The following CDKL4 variants were observed in gnomAD, a reference collection of about 807,000 sequenced individuals.
CDKL4 encodes the protein cyclin-dependent kinase-like 4.
Under a neutral mutation model 42.0 loss-of-function variants are expected in CDKL4, and 44 were observed. The ratio of observed to expected loss-of-function variants is 1.05; its 90% CI spans 0.82 to 1.35. The LOEUF (loss-of-function observed/expected upper bound fraction) is 1.35, where lower values mean the gene tolerates loss of function less well. Among genes scored for constraint, CDKL4 ranks in the 40% most tolerant of loss-of-function variants. The pLI, the probability that CDKL4 is intolerant of heterozygous loss-of-function variation, is 0.00. For synonymous variants in CDKL4, 120 were observed against 121.6 expected, an observed-to-expected ratio of 0.99 and a Z score of 0.09; for missense variants, 393 against 369.9, an observed-to-expected ratio of 1.06 and a Z score of -0.51.
At chr2:39,218,113 T>C (rs890048413) in intron 3 of CDKL4, among the ~76,000 whole-genome samples, 4 of 152,226 alleles carry the variant, frequency 2.6e-5, no homozygotes, top group Non-Finnish European at 5.9e-5. Flanking sequence ...TTTCTACTTC[T>C]ATTAACAGTT....
chr2:39,224,011 T>G (rs1329781922), intron 3 of CDKL4, among the ~76,000 whole-genome samples: 1 of 152,218 alleles, frequency 6.6e-6, no homozygotes, highest in East Asian at 1.9e-4. Context: ...GGGTGCACAG[T>G]CTACATTTAT....
chr2:39,179,136 A>C (rs2148278249), intron 9 of CDKL4, 51 bp downstream of exon 9: 1 of 1,574,804 alleles, frequency 6.3e-7, no homozygotes, highest in Admixed American at 2.0e-5. Context: ...AGACAAACAA[A>C]AACAAAAAAG....
chr2:39,195,994 C>T (rs1322278233), intron 5 of CDKL4, among the ~76,000 whole-genome samples: 1 of 152,030 alleles, frequency 6.6e-6, no homozygotes, highest in Non-Finnish European at 1.5e-5. Flanking sequence ...ATCCACAGAC[C>T]CTTTGAAGAA....
At chr2:39,228,308 T>TG (rs1479112431) in intron 2 of CDKL4, among the ~76,000 whole-genome samples, 1 of 151,628 alleles carries the variant, frequency 6.6e-6, no homozygotes, top group African/African-American at 2.4e-5. Flanking sequence ...AAGAGTGAAC[T>TG]TTTTTTTATC....
chr2:39,174,258 T>TA (rs1675080189), downstream of CDKL4, among the ~76,000 whole-genome samples: 1 of 151,902 alleles, frequency 6.6e-6, no homozygotes, highest in Admixed American at 6.6e-5. Flanking sequence ...AGTTAAAAAT[T>TA]AGCCAGGTGT....
chr2:39,192,271 G>A (rs1676232631), intron 5 of CDKL4, among the ~76,000 whole-genome samples: 1 of 152,120 alleles, frequency 6.6e-6, no homozygotes, highest in African/African-American at 2.4e-5. Flanking sequence ...CAGAAAGAAG[G>A]TAAATATACC....
intron 3 of CDKL4, among the ~76,000 whole-genome samples, chr2:39,222,530 C>G (rs970898945): frequency 8.6e-5 from 13 of 152,030 alleles, no homozygotes; most frequent in African/African-American, 3.1e-4. Flanking sequence ...GTAGAGGCTG[C>G]AGTGAGCCGA....
At chr2:39,185,148 GTATATATATACACA>G (rs1375574820) in intron 7 of CDKL4, among the ~76,000 whole-genome samples, 1 of 129,632 alleles carries the variant, frequency 7.7e-6, no homozygotes, top group Non-Finnish European at 1.6e-5. Context: ...ATATATATGT[GTATATATATACACA>G]TATGTATATA....
chr2:39,181,080 T>G (rs899308189), intron 8 of CDKL4, among the ~76,000 whole-genome samples: 6 of 152,232 alleles, frequency 3.9e-5, no homozygotes, highest in African/African-American at 1.4e-4. Flanking sequence ...AAGTGGCTCT[T>G]GTTATTAATA....
chr2:39,179,266 C>G (rs200334617), exon 9 of CDKL4: 3 of 1,613,454 alleles, frequency 1.9e-6, no homozygotes, highest in Non-Finnish European at 2.5e-6. Context: ...AAAGTAGGAG[C>G]TCTCCAGGAG....
intron 3 of CDKL4, among the ~76,000 whole-genome samples, chr2:39,215,708 C>T (rs1179525794): frequency 1.3e-5 from 2 of 152,138 alleles, no homozygotes; most frequent in South Asian, 4.1e-4. Flanking sequence ...ATGACACTAG[C>T]TACAAGAGTC....
At chr2:39,188,576 A>AG (rs1318464025) in intron 6 of CDKL4, among the ~76,000 whole-genome samples, 1 of 150,724 alleles carries the variant, frequency 6.6e-6, no homozygotes, top group African/African-American at 2.4e-5. Flanking sequence ...AAAAAAAAAA[A>AG]AAAAAAAAAA....
intron 5 of CDKL4, among the ~76,000 whole-genome samples, chr2:39,201,692 A>G (rs1312262556): frequency 6.6e-6 from 1 of 152,008 alleles, no homozygotes; most frequent in Non-Finnish European, 1.5e-5. Flanking sequence ...ACTGGAGACC[A>G]TTATTCTAAC....
At chr2:39,228,108 A>T (rs889370727) in intron 2 of CDKL4, among the ~76,000 whole-genome samples, 1 of 152,198 alleles carries the variant, frequency 6.6e-6, no homozygotes, top group African/African-American at 2.4e-5. Flanking sequence ...CCAGTTGGGC[A>T]CTTGTAATGC....
intron 9 of CDKL4, chr2:39,178,964 G>C (rs1675284777): frequency 6.9e-7 from 1 of 1,440,684 alleles, no homozygotes. Context: ...GTAACGATTT[G>C]ATTCAGGTGT....
chr2:39,208,892 C>T (rs886765518), intron 4 of CDKL4, among the ~76,000 whole-genome samples: 1 of 151,938 alleles, frequency 6.6e-6, no homozygotes, highest in Non-Finnish European at 1.5e-5. Context: ...GAGCCTTAGG[C>T]ATGGATGCTC....
rs1255845887 is a variant in CDKL4 at position 39,186,893 on chromosome 2, C to CA, written c.735+733dup. 1.6e-4 allele frequency among the ~76,000 whole-genome samples: 25 copies of CA among 152,152 alleles called. 1 individual carries two copies. In the Middle Eastern group the frequency reaches 0.017, roughly 104 times the overall value. ...AAATATATTTTCACTTTAAATTTAACATTAATTTTTGAATAGATAAGACAA... is the reference window on the plus strand; with the variant it reads ...AAATATATTTTCACTTTAAATTTAACAATTAATTTTTGAATAGATAAGACAA... On this transcript the variant is annotated intron_variant, in intron 7 of 9. Transcript: ENST00000451199.
intron 9 of CDKL4, chr2:39,178,701 T>G (rs754655804): frequency 3.7e-5 from 60 of 1,609,412 alleles, no homozygotes; most frequent in Non-Finnish European, 4.8e-5. Flanking sequence ...TTCATTCCTT[T>G]GTACCTGGCA....
chr2:39,197,339 C>T (rs1003777889), intron 5 of CDKL4, among the ~76,000 whole-genome samples: 2 of 151,386 alleles, frequency 1.3e-5, no homozygotes, highest in African/African-American at 2.5e-5. Context: ...TTATGTTTAA[C>T]GATGAAACCT....
Sources: gnomAD v4.1 joint callset for allele counts (sites outside exome capture counted in the v4.1 genomes callset) on GRCh38, gnomAD v4.1.1 for gene constraint, MANE v1.5 for transcripts, NCBI Gene and HGNC (gene_info 2026-07-23, HGNC 2026-07-21) for gene names.